The following DOCK2 variants were observed in gnomAD, a reference collection of about 807,000 sequenced individuals.
DOCK2 encodes the protein dedicator of cytokinesis 2.
A neutral mutation model predicts 248.9 loss-of-function variants in DOCK2; 87 were observed. That is an observed-to-expected ratio of 0.35 (90% CI 0.29 to 0.42). DOCK2 has a LOEUF of 0.42. DOCK2 is among the 10% of genes least tolerant of loss of function. DOCK2 has a pLI of 1.00. For synonymous variants in DOCK2, 805 were observed against 821.6 expected (o/e 0.98, Z 0.35); for missense variants, 1,747 against 2,300.2 (o/e 0.76, Z 4.92).
chr5:169,795,832 G>C (rs1388353909), intron 25 of DOCK2, among the ~76,000 whole-genome samples: 1 of 152,200 alleles, frequency 6.6e-6, no homozygotes, highest in Admixed American at 6.5e-5. Context: ...AGAATTTTGG[G>C]TTTCAATTAC....
chr5:169,881,214 G>A (rs1772627260), intron 27 of DOCK2, among the ~76,000 whole-genome samples: 1 of 152,194 alleles, frequency 6.6e-6, no homozygotes, highest in Non-Finnish European at 1.5e-5. Context: ...AGGAAACAAA[G>A]CAATCCCTGC....
chr5:169,864,056 G>A (rs1287731410), intron 27 of DOCK2, among the ~76,000 whole-genome samples: 3 of 152,288 alleles, frequency 2.0e-5, no homozygotes, highest in South Asian at 4.1e-4. Flanking sequence ...TCTAGTGTCC[G>A]TGAAGCCCTC....
chr5:169,838,299 C>T (rs760799645), intron 26 of DOCK2, among the ~76,000 whole-genome samples: 1 of 152,130 alleles, frequency 6.6e-6, no homozygotes, highest in South Asian at 2.1e-4. Flanking sequence ...TGGGTTGAAT[C>T]CTTTCTCCCT....
chr5:169,917,091 G>A lies in DOCK2; in HGVS notation c.2800-65977G>A, dbSNP rs183882783. Among the ~76,000 whole-genome samples the A allele has an allele frequency of 1.2e-3, 182 of 152,322 alleles. 1 individual carries two copies. The highest frequency in any genetic ancestry group is 4.2e-3 in the African/African-American group (176 of 41,576). On this transcript the variant is annotated intron_variant, in intron 27 of 51. Coordinates refer to ENST00000520908, the MANE Select transcript of DOCK2 (RefSeq NM_004946.3). ...ACAGCTTAAAGTCAGTGGAGTTGAC[G>A]TATGATCAAGCCACCAAATCTCAGC...
chr5:169,752,091 A>T (rs1763924972), intron 23 of DOCK2, among the ~76,000 whole-genome samples: 1 of 152,178 alleles, frequency 6.6e-6, no homozygotes, highest in Non-Finnish European at 1.5e-5. Context: ...CAGCCCTGTG[A>T]GCGTGGTTGA....
intron 29 of DOCK2, among the ~76,000 whole-genome samples, chr5:169,995,879 G>A (rs1323803550): frequency 2.0e-5 from 3 of 152,164 alleles, no homozygotes; most frequent in African/African-American, 4.8e-5. Context: ...AAAAGAAGTC[G>A]AACAGTTATT....
chr5:170,075,558 T>C (rs1757810715), intron 46 of DOCK2: 1 of 168,252 alleles, frequency 5.9e-6, no homozygotes, highest in African/African-American at 2.4e-5. Flanking sequence ...ATCCTTTCAC[T>C]TTAGTATTGC....
intron 2 of DOCK2, among the ~76,000 whole-genome samples, chr5:169,655,781 A>G (rs538668727): frequency 3.9e-5 from 6 of 152,362 alleles, no homozygotes; most frequent in South Asian, 4.1e-4. Context: ...CAAAAAACAT[A>G]CAGAAAACCA....
chr5:169,855,932 G>C (rs2113387608), intron 27 of DOCK2, among the ~76,000 whole-genome samples: 1 of 152,310 alleles, frequency 6.6e-6, no homozygotes, highest in African/African-American at 2.4e-5. Flanking sequence ...GGAGGCCTCA[G>C]GAAACTTACA....
At chr5:169,760,851 A>C (rs1041299820) in intron 24 of DOCK2, among the ~76,000 whole-genome samples, 3 of 152,212 alleles carry the variant, frequency 2.0e-5, no homozygotes, top group Non-Finnish European at 2.9e-5. Context: ...GATGTTTAAT[A>C]AGTCCTTGAA....
rs377294273 is a variant in DOCK2 at position 169,846,433 on chromosome 5, G to C, written c.2799+5581G>C. 1.3e-3 allele frequency among the ~76,000 whole-genome samples: 197 copies of C among 152,182 alleles called. 6 individuals are homozygous for C. The South Asian group carries it at 0.039, about 30-fold the overall frequency. The stretch of plus-strand genomic sequence containing the variant: ...TGACAAATGAGCAAAAGGGAATTTT[G>C]CAAAAATAAAAAGCAAATGACTTTT... On this transcript the variant is annotated intron_variant, in intron 27 of 51. Transcript: ENST00000520908.
At chr5:170,055,584 G>A (rs1757098184) in intron 42 of DOCK2, among the ~76,000 whole-genome samples, 198 bp downstream of exon 42, 1 of 152,252 alleles carries the variant, frequency 6.6e-6, no homozygotes, top group African/African-American at 2.4e-5. Context: ...CTGAAGCCAG[G>A]AAGGATGGGA....
rs780318765 is a variant in DOCK2, at chr5:170,019,037, C to T, written c.3310C>T (p.Arg1104Trp). ...EMTLIPEAEL[R>W]KATIPIFFDM... ...GACACTTATCCCTGAGGCTGAGCTC[C>T]GGAAAGCCACCATACCAATCTTCTT... Residue 1104 changes from arginine (R) to tryptophan (W), a missense_variant, in exon 33 of 52, where the codon CGG becomes TGG. Physicochemically the swap from Arg to Trp is moderately radical, Grantham distance 101 (BLOSUM62 -3). Coordinates refer to ENST00000520908, the MANE Select transcript of DOCK2 (RefSeq NM_004946.3). The T allele has an allele frequency of 4.3e-6, 7 of 1,613,994 alleles. No homozygotes were observed. Among genetic ancestry groups the T allele is most frequent in the Non-Finnish European group, 5.1e-6 (6 of 1,179,952 alleles).
intron 25 of DOCK2, among the ~76,000 whole-genome samples, chr5:169,791,578 G>T (rs1581194664): frequency 1.3e-5 from 2 of 152,312 alleles, no homozygotes; most frequent in African/African-American, 2.4e-5. Flanking sequence ...GAGGGTGGCT[G>T]CCTCAAGCTA....
At chr5:169,898,361 G>A (rs72842520) in intron 27 of DOCK2, among the ~76,000 whole-genome samples, 2,070 of 152,262 alleles carry the variant, frequency 0.014, 21 homozygotes, top group Non-Finnish European at 0.02. Context: ...TGTACTGTAT[G>A]GTTAGGAGCA....
rs1035379247 is a variant in DOCK2 at position 169,674,452 on chromosome 5, T to C, written c.470+7T>C. ...AAATTGACTATGGCAACAAGTAACC[T>C]CTCTTTCCTCTGCAAAGAGGTTTTC... is the stretch of plus-strand genomic sequence containing the variant. On this transcript the variant is annotated splice_region_variant and intron_variant, in intron 6 of 51. Transcript: ENST00000520908. 1.4e-5 allele frequency: 22 copies of C among 1,613,956 alleles called. No homozygotes were observed. In the East Asian group the frequency reaches 2.9e-4, roughly 21 times the overall value.
At chr5:169,906,720 A>G (rs1207721837) in intron 27 of DOCK2, among the ~76,000 whole-genome samples, 1 of 152,172 alleles carries the variant, frequency 6.6e-6, no homozygotes, top group Non-Finnish European at 1.5e-5. Context: ...TAAGCCCATT[A>G]TCTTTCTGCC....
chr5:169,817,735 C>T (rs1027771139), intron 26 of DOCK2, among the ~76,000 whole-genome samples: 3 of 152,174 alleles, frequency 2.0e-5, no homozygotes, highest in Non-Finnish European at 2.9e-5. Flanking sequence ...CTGTGGGTGT[C>T]CTGTTTGTTA....
At chr5:169,708,708 G>C (rs1761417537) in intron 15 of DOCK2, among the ~76,000 whole-genome samples, 1 of 152,056 alleles carries the variant, frequency 6.6e-6, no homozygotes, top group Non-Finnish European at 1.5e-5. Flanking sequence ...GGGATTACAA[G>C]CGTGTGCCAC....
Sources: gnomAD v4.1 joint callset for allele counts (sites outside exome capture counted in the v4.1 genomes callset) on GRCh38, gnomAD v4.1.1 for gene constraint, MANE v1.5 for transcripts, NCBI Gene and HGNC (gene_info 2026-07-23, HGNC 2026-07-21) for gene names.